Variants in TRIML1 observed in about 807,000 individuals in gnomAD.
TRIML1 encodes the protein tripartite motif family like 1.
In TRIML1, 34 loss-of-function variants were observed where a neutral mutation model predicts 32.3. The observed-to-expected ratio is 1.05, with a 90% CI of 0.80 to 1.40. The LOEUF (loss-of-function observed/expected upper bound fraction) is 1.40, where lower values mean the gene tolerates loss of function less well. Among genes scored for constraint, TRIML1 ranks in the 40% most tolerant of loss-of-function variants. The pLI, the probability that TRIML1 is intolerant of heterozygous loss-of-function variation, is 0.00. For missense variants in TRIML1, 595 were observed against 574.9 expected, an observed-to-expected ratio of 1.03 and a Z score of -0.36; for synonymous variants, 244 against 226.6, an observed-to-expected ratio of 1.08 and a Z score of -0.69.
At position 188,141,165 on chromosome 4, in the gene TRIML1, G is replaced by GTTTT. The variant is rs58714915; in HGVS notation, c.504+558_504+561dup. Among the ~76,000 whole-genome samples, 17 of 118,814 alleles carry GTTTT rather than the reference G, an allele frequency of 1.4e-4. 2 individuals are homozygous for GTTTT. Among genetic ancestry groups the GTTTT allele is most frequent in the Admixed American group, 3.9e-4 (4 of 10,368 alleles). The allele number at this position is 118,814 out of a possible 152,430, so 77.9% of individuals were successfully genotyped here. ...ATTCTCCCAATAGACTTTGAAATCT[G>GTTTT]TTTTTTTTTTTTTTTTTTTGGAGAT... On this transcript the variant is annotated intron_variant, in intron 2 of 5. Transcript: ENST00000332517.
At chr4:188,143,395 C>T in intron 3 of TRIML1, 1 of 172,060 alleles carries the variant, frequency 5.8e-6, no homozygotes, top group South Asian at 1.4e-4. Flanking sequence ...CCAACTCCAG[C>T]TTCAGGTCTG....
chr4:188,139,731 G>T lies in TRIML1; in HGVS notation c.173G>T (p.Arg58Met). The change falls in exon 1 of 6, where the codon AGG (arginine) becomes ATG (methionine). Residue 58 changes from arginine to methionine, a missense_variant. Coordinates refer to ENST00000332517, the MANE Select transcript of TRIML1 (RefSeq NM_178556.5). ...NTPLSCPECW[R>M]TLEGPHFQSN... ...CCTTTATCTTGTCCTGAGTGCTGGA[G>T]GACCTTGGAGGGCCCGCATTTCCAG... The T allele has an allele frequency of 6.2e-7, 1 of 1,614,022 alleles. No homozygotes were observed. The highest frequency in any genetic ancestry group is 1.3e-5 in the African/African-American group (1 of 75,056).
At chr4:188,137,658 G>A (rs934065461), upstream of TRIML1, among the ~76,000 whole-genome samples, 1 of 151,308 alleles carries the variant, frequency 6.6e-6, no homozygotes, top group Non-Finnish European at 1.5e-5. Flanking sequence ...TGTATTTTTA[G>A]TAGAGACGGA....
chr4:188,148,901 C>CT (rs34415263), downstream of TRIML1, among the ~76,000 whole-genome samples: 3,234 of 63,772 alleles, frequency 0.051, 721 homozygotes, highest in East Asian at 0.13. Flanking sequence ...CGTGCCCAGG[C>CT]TTTTTTTTTT....
intron 5 of TRIML1, among the ~76,000 whole-genome samples, chr4:188,146,313 T>C (rs1489021017): frequency 1.3e-5 from 2 of 152,154 alleles, no homozygotes; most frequent in South Asian, 2.1e-4. Flanking sequence ...AGGCTAAAGC[T>C]CCTTCTCCAC....
At chr4:188,148,420 G>C (rs563013885), downstream of TRIML1, among the ~76,000 whole-genome samples, 22 of 152,048 alleles carry the variant, frequency 1.4e-4, no homozygotes, top group South Asian at 4.6e-3. Flanking sequence ...CTTGAACCCG[G>C]GCGGCGGAGG....
intron 5 of TRIML1, among the ~76,000 whole-genome samples, chr4:188,144,644 G>A (rs547304333): frequency 6.6e-6 from 1 of 152,092 alleles, no homozygotes; most frequent in East Asian, 1.9e-4. Flanking sequence ...TTACAGGCGT[G>A]AGCCACTGCG....
intron 2 of TRIML1, 104 bp from the exon 3 acceptor site, chr4:188,142,148 T>A: frequency 6.7e-6 from 5 of 749,906 alleles, no homozygotes; most frequent in Non-Finnish European, 1.0e-5. Context: ...AAAGAAACTC[T>A]AGGACTTGTA....
chr4:188,150,634 C>T (rs1441368646), downstream of TRIML1, among the ~76,000 whole-genome samples: 1 of 151,930 alleles, frequency 6.6e-6, no homozygotes, highest in Non-Finnish European at 1.5e-5. Flanking sequence ...TCCAGTGATA[C>T]ATCCTTTCCT....
downstream of TRIML1, among the ~76,000 whole-genome samples, chr4:188,149,394 G>A (rs1260920391): frequency 2.0e-5 from 3 of 152,114 alleles, no homozygotes; most frequent in African/African-American, 7.2e-5. Flanking sequence ...AGATGTTTAG[G>A]AAAAATGTTT....
At position 188,146,906 on chromosome 4, in the gene TRIML1, G is replaced by C. The variant is rs371074839; in HGVS notation, c.941G>C (p.Arg314Thr). 1.8e-5 allele frequency: 27 copies of C among 1,497,232 alleles called. No homozygotes were observed. The highest frequency in any genetic ancestry group is 2.3e-5 in the Non-Finnish European group (26 of 1,122,888). 92.7% of individuals were successfully genotyped at this position (1,497,232 alleles called of 1,614,324 possible). A position where few individuals can be genotyped will look rare whatever the true frequency, so the allele number is the denominator to read the frequency against. The part of the protein sequence containing the change: ...DLKSVKYGGS[R>T]QQLPDNPERF... The stretch of plus-strand genomic sequence containing the variant: ...AAGAGTGTGAAATATGGGGGAAGCA[G>C]ACAGCAGCTACCCGACAACCCGGAA... Residue 314 changes from arginine (R) to threonine (T), a missense_variant, in exon 6 of 6, where the codon AGA becomes ACA. By Grantham distance (71) the Arg-to-Thr change is moderately conservative. Transcript: ENST00000332517.
downstream of TRIML1, among the ~76,000 whole-genome samples, chr4:188,150,016 G>C (rs1447791344): frequency 6.6e-6 from 1 of 152,050 alleles, no homozygotes; most frequent in Non-Finnish European, 1.5e-5. Context: ...ATGTTGGCCA[G>C]GATGGTCTTG....
At chr4:188,140,870 T>C (rs1734828341) in intron 2 of TRIML1, 1 of 357,918 alleles carries the variant, frequency 2.8e-6, no homozygotes, top group South Asian at 6.8e-5. Context: ...TCCTCTATGA[T>C]GGCTCTGGTA....
chr4:188,145,847 A>G (rs6858786), intron 5 of TRIML1, among the ~76,000 whole-genome samples: 126,433 of 151,926 alleles, frequency 0.83, 52,946 homozygotes, highest in Non-Finnish European at 0.88. Flanking sequence ...AGGAGGCCCC[A>G]TATGTGACTG....
chr4:188,139,889 G>T lies in TRIML1; in HGVS notation c.331G>T (p.Gly111Cys), dbSNP rs1265460869. The T allele has an allele frequency of 6.2e-7, 1 of 1,613,760 alleles. No homozygotes were observed. The highest frequency in any genetic ancestry group is 1.3e-5 in the African/African-American group (1 of 74,918). The change falls in exon 1 of 6, where the codon GGT becomes TGT. Residue 111 changes from glycine (G) to cysteine (C), a missense_variant. Physicochemically the swap from Gly to Cys is radical, Grantham distance 159. Transcript: ENST00000332517. ...CAAGGCGCTCTCCGATGACGAGCAG[G>T]GTGGAAGCGCCTTCGTAGCCCAGAG... ...TAKALSDDEQ[G>C]GSAFVAQSHG... is the part of the protein sequence containing the mutation.
chr4:188,148,717 C>T (rs1466821643), downstream of TRIML1, among the ~76,000 whole-genome samples: 4 of 151,326 alleles, frequency 2.6e-5, no homozygotes, highest in Admixed American at 2.0e-4. Context: ...ATTCTCCTGC[C>T]TCAACTTCCC....
chr4:188,146,725 A>T (rs916088315), intron 5 of TRIML1, 97 bp from the exon 6 acceptor site: 1 of 1,033,226 alleles, frequency 9.7e-7, no homozygotes. Flanking sequence ...CATTTAAAAA[A>T]CCAGGACTAA....
downstream of TRIML1, among the ~76,000 whole-genome samples, chr4:188,148,769 G>A (rs1232433282): frequency 1.3e-5 from 2 of 151,680 alleles, no homozygotes; most frequent in African/African-American, 2.4e-5. Flanking sequence ...TTCCCGGCTA[G>A]TTTTTATGTT....
At chr4:188,146,020 C>A (rs534690906) in intron 5 of TRIML1, among the ~76,000 whole-genome samples, 1 of 152,204 alleles carries the variant, frequency 6.6e-6, no homozygotes, top group South Asian at 2.1e-4. Flanking sequence ...GTTTCCTAAC[C>A]TTCCTGAACC....
Sources: gnomAD v4.1 joint callset for allele counts (sites outside exome capture counted in the v4.1 genomes callset) on GRCh38, gnomAD v4.1.1 for gene constraint, MANE v1.5 for transcripts, NCBI Gene and HGNC (gene_info 2026-07-23, HGNC 2026-07-21) for gene names.